USP53: variants seen among roughly 807,000 people sequenced by gnomAD.
USP53 encodes the protein ubiquitin carboxyl-terminal hydrolase 53.
Under a neutral mutation model 94.9 loss-of-function variants are expected in USP53, and 71 were observed. The observed-to-expected ratio is 0.75, with a 90% CI of 0.62 to 0.91. The LOEUF (loss-of-function observed/expected upper bound fraction) is 0.91. USP53 is among the 40% of genes least tolerant of loss of function. The probability of loss-of-function intolerance (pLI) is 0.00; values close to 1 mark genes in which losing one functional copy is unlikely to be tolerated. For missense variants in USP53, 1,173 were observed against 1,281.0 expected (o/e 0.92, Z 1.29); for synonymous variants, 375 against 422.7 (o/e 0.89, Z 1.39).
At chr4:119,268,468 CCTTT>C (rs1190831968) in intron 14 of USP53, 48 bp downstream of exon 14, 1 of 1,503,880 alleles carries the variant, frequency 6.6e-7, no homozygotes, top group South Asian at 1.3e-5. Flanking sequence ...TGAGTGTCCT[CCTTT>C]CTTCACTTAT....
chr4:119,245,623 T>A (rs571122476), intron 6 of USP53, among the ~76,000 whole-genome samples, 194 bp downstream of exon 6: 1 of 152,348 alleles, frequency 6.6e-6, no homozygotes, highest in East Asian at 1.9e-4. Context: ...CAGTTAAAAA[T>A]TAATATTCTA....
At chr4:119,232,882 A>C (rs1746252026) in intron 3 of USP53, among the ~76,000 whole-genome samples, 1 of 152,120 alleles carries the variant, frequency 6.6e-6, no homozygotes, top group Non-Finnish European at 1.5e-5. Context: ...GTGATCTAAC[A>C]CTAGAATTAA....
At chr4:119,227,194 A>G (rs775649093) in intron 3 of USP53, among the ~76,000 whole-genome samples, 1 of 150,752 alleles carries the variant, frequency 6.6e-6, no homozygotes, top group Non-Finnish European at 1.5e-5. Context: ...CTCATTTTAA[A>G]AAATGGTGCT....
At chr4:119,231,353 G>T (rs1158441247) in intron 3 of USP53, among the ~76,000 whole-genome samples, 1 of 152,198 alleles carries the variant, frequency 6.6e-6, no homozygotes, top group Non-Finnish European at 1.5e-5. Flanking sequence ...TAGATTCTCA[G>T]TATTGGGTTT....
At chr4:119,240,190 G>A (rs1429798229) in intron 5 of USP53, among the ~76,000 whole-genome samples, 1 of 151,830 alleles carries the variant, frequency 6.6e-6, no homozygotes, top group Non-Finnish European at 1.5e-5. Flanking sequence ...CAAATGTTTT[G>A]GTTTTAATCA....
intron 6 of USP53, 134 bp downstream of exon 6, chr4:119,245,563 A>G: frequency 3.0e-6 from 2 of 667,772 alleles, no homozygotes; most frequent in East Asian, 2.7e-5. Context: ...AATTCTTAAC[A>G]GTATGACTTA....
At chr4:119,290,156 G>A (rs941968213) in intron 17 of USP53, among the ~76,000 whole-genome samples, 2 of 152,056 alleles carry the variant, frequency 1.3e-5, no homozygotes, top group Non-Finnish European at 2.9e-5. Context: ...ATTTTATGTG[G>A]TGCCATATTG....
chr4:119,271,776 TG>T lies in USP53; in HGVS notation c.1917del (p.Met639IlefsTer8). 1 of 1,612,732 alleles carries T rather than the reference TG, an allele frequency of 6.2e-7. No homozygotes were observed. The highest frequency in any genetic ancestry group is 1.3e-5 in the African/African-American group (1 of 74,884). On this transcript the variant is annotated frameshift_variant, in exon 16 of 19. Coordinates refer to ENST00000692078, the MANE Select transcript of USP53 (RefSeq NM_001371395.1). LOFTEE classifies it high-confidence loss of function. ...PKENPKQKGLMTIYEDEMKQE... is the reference protein window; with the variant it reads ...PKENPKQKGLXTIYEDEMKQE... Reference sequence around the variant, plus strand: ...GAGAATCCAAAGCAAAAAGGTTTAATGACCATATATGAAGATGAAATGAAGC... The same window carrying T: ...GAGAATCCAAAGCAAAAAGGTTTAATACCATATATGAAGATGAAATGAAGC...
intron 7 of USP53, among the ~76,000 whole-genome samples, chr4:119,254,471 G>C: frequency 6.6e-6 from 1 of 152,064 alleles, no homozygotes; most frequent in East Asian, 1.9e-4. Flanking sequence ...TCATTAATTA[G>C]ATCTCCAATC....
intron 13 of USP53, among the ~76,000 whole-genome samples, chr4:119,267,766 C>T (rs1751328644): frequency 6.6e-6 from 1 of 152,278 alleles, no homozygotes; most frequent in East Asian, 1.9e-4. Context: ...ATTTAGTAAA[C>T]TGGAAAAGTC....
At chr4:119,240,730 A>G (rs1483426902) in intron 5 of USP53, among the ~76,000 whole-genome samples, 1 of 152,180 alleles carries the variant, frequency 6.6e-6, no homozygotes, top group Non-Finnish European at 1.5e-5. Flanking sequence ...AGAATGTGTC[A>G]AGTGCACAGA....
rs535433633 is a variant in USP53, at chr4:119,269,101, G to T, written c.1289-590G>T. 1.7e-3 allele frequency among the ~76,000 whole-genome samples: 266 copies of T among 152,166 alleles called. 1 individual carries two copies. Among genetic ancestry groups the T allele is most frequent in the Non-Finnish European group, 3.0e-3 (203 of 67,990 alleles). On this transcript the variant is annotated intron_variant, in intron 14 of 18. Coordinates refer to ENST00000692078, the MANE Select transcript of USP53 (RefSeq NM_001371395.1). ...TTATCCACAAAAAACTAAAATAAAG[G>T]CTTTTTAAAAATTCTTAATGAAGCT...
chr4:119,256,985 A>G (rs1194453722), intron 9 of USP53, among the ~76,000 whole-genome samples: 2 of 152,178 alleles, frequency 1.3e-5, no homozygotes, highest in Admixed American at 1.3e-4. Context: ...AGGACTCATC[A>G]TTCACTTTAA....
intron 7 of USP53, among the ~76,000 whole-genome samples, chr4:119,252,912 C>T (rs976941164): frequency 6.6e-6 from 1 of 152,062 alleles, no homozygotes; most frequent in African/African-American, 2.4e-5. Flanking sequence ...TAAATGTGTC[C>T]CAGAGATTTG....
chr4:119,213,660 A>ATATATGTGTGTGTGTGTGTGTG, intron 1 of USP53, among the ~76,000 whole-genome samples: 111 of 117,776 alleles, frequency 9.4e-4, no homozygotes, highest in African/African-American at 3.8e-3. Flanking sequence ...ATATATATAT[A>ATATATGTGTGTGTGTGTGTGTG]TGTGTGTGTG....
intron 2 of USP53, among the ~76,000 whole-genome samples, chr4:119,214,674 G>A (rs1350936450): frequency 6.7e-6 from 1 of 150,366 alleles, no homozygotes; most frequent in Non-Finnish European, 1.5e-5. Context: ...TGTGATTCAA[G>A]TTCTTTTATA....
At chr4:119,240,481 T>G (rs1747375988) in intron 5 of USP53, among the ~76,000 whole-genome samples, 1 of 152,166 alleles carries the variant, frequency 6.6e-6, no homozygotes, top group Non-Finnish European at 1.5e-5. Flanking sequence ...TTTCTTATGC[T>G]TAATAAAGTT....
chr4:119,260,648 CCTGGGGTAT>C lies in USP53; in HGVS notation c.820_822+6del. 1 of 1,612,674 alleles carries C rather than the reference CCTGGGGTAT, an allele frequency of 6.2e-7. No homozygotes were observed. The highest frequency in any genetic ancestry group is 8.5e-7 in the Non-Finnish European group (1 of 1,179,306). On this transcript the variant is annotated splice_donor_variant and splice_donor_region_variant and coding_sequence_variant and intron_variant, in exon 11 of 19. Transcript: ENST00000692078. LOFTEE classifies it high-confidence loss of function. Reference sequence around the variant, plus strand: ...GAATCTAGCAACACATCTTTATCTTCCTGGGGTATCTTATCTATTTTCATTCCCTTCCCT... The same window carrying C: ...GAATCTAGCAACACATCTTTATCTTCCTTATCTATTTTCATTCCCTTCCCT...
Position 119,269,715 on chromosome 4 carries a change from G to A in USP53, c.1313G>A (p.Arg438Lys). 1 of 1,483,060 alleles carries A rather than the reference G, an allele frequency of 6.7e-7. No individual in the cohort carries two copies. Among genetic ancestry groups the A allele is most frequent in the East Asian group, 2.5e-5 (1 of 40,082 alleles). 91.9% of individuals were successfully genotyped at this position (1,483,060 alleles called of 1,614,324 possible). A position where few individuals can be genotyped will look rare whatever the true frequency, so the allele number is the denominator to read the frequency against. The stretch of plus-strand genomic sequence containing the variant: ...GCTAAGTTAAGTCACATTGATCAAA[G>A]GGAAAAGATAAAAGACATTTCCAGA... The part of the protein sequence containing the change: ...GPAKLSHIDQ[R>K]EKIKDISREC... The change falls in exon 15 of 19, where the codon AGG (arginine) becomes AAG (lysine). Residue 438 changes from arginine to lysine, a missense_variant. Transcript: ENST00000692078.
Sources: allele counts gnomAD v4.1 joint callset (sites outside exome capture counted in the v4.1 genomes callset), GRCh38; gene constraint gnomAD v4.1.1; transcripts MANE v1.5; gene names NCBI Gene and HGNC (gene_info 2026-07-23, HGNC 2026-07-21).